Variants in ABCB1 observed in about 807,000 individuals in gnomAD.
The protein encoded by ABCB1 is ATP-dependent translocase ABCB1.
In ABCB1, 69 loss-of-function variants were observed where a neutral mutation model predicts 142.0. That is an observed-to-expected ratio of 0.49 (90% CI 0.40 to 0.59). The LOEUF is 0.59. ABCB1 is among the 20% of genes least tolerant of loss of function. The pLI, the probability that ABCB1 is intolerant of heterozygous loss-of-function variation, is 0.00. For missense variants in ABCB1, 1,326 were observed against 1,554.7 expected, an observed-to-expected ratio of 0.85 and a Z score of 2.47; for synonymous variants, 532 against 539.2, an observed-to-expected ratio of 0.99 and a Z score of 0.18.
At chr7:87,710,483 C>A (rs1019450105) in intron 1 of ABCB1, 3 of 725,056 alleles carry the variant, frequency 4.1e-6, no homozygotes, top group Admixed American at 2.8e-5. Flanking sequence ...AATGGCTGTT[C>A]TTTACATATT....
intron 1 of ABCB1, among the ~76,000 whole-genome samples, chr7:87,667,697 G>A (rs562554101): frequency 2.0e-5 from 3 of 152,064 alleles, no homozygotes; most frequent in South Asian, 4.2e-4. Flanking sequence ...AACATGAAGC[G>A]GTGTTGAATT....
intron 1 of ABCB1, among the ~76,000 whole-genome samples, chr7:87,674,908 C>T (rs868337321): frequency 6.6e-6 from 1 of 152,116 alleles, no homozygotes; most frequent in Admixed American, 6.5e-5. Context: ...CATGGTAAGC[C>T]TTGGGGGAGG....
chr7:87,576,810 G>T (rs1488982421), intron 4 of ABCB1, among the ~76,000 whole-genome samples: 1 of 151,408 alleles, frequency 6.6e-6, no homozygotes, highest in Non-Finnish European at 1.5e-5. Context: ...TATTTACAGG[G>T]TGTATGAGAT....
intron 21 of ABCB1, among the ~76,000 whole-genome samples, chr7:87,523,408 A>G (rs1406056855): frequency 6.6e-6 from 1 of 152,176 alleles, no homozygotes; most frequent in East Asian, 1.9e-4. Flanking sequence ...CAGGTGGATC[A>G]TTTGAAGTAA....
At chr7:87,548,833 G>C (rs1275611410) in intron 14 of ABCB1, among the ~76,000 whole-genome samples, 3 of 152,184 alleles carry the variant, frequency 2.0e-5, no homozygotes, top group African/African-American at 7.2e-5. Flanking sequence ...ACCTGTCATG[G>C]CTTAGGTAGG....
chr7:87,652,755 C>G (rs1823713143), intron 1 of ABCB1, among the ~76,000 whole-genome samples: 1 of 151,268 alleles, frequency 6.6e-6, no homozygotes, highest in African/African-American at 2.4e-5. Flanking sequence ...TAATATATAG[C>G]AAATTGCTTT....
chr7:87,617,667 G>A (rs28381779), intron 1 of ABCB1, among the ~76,000 whole-genome samples: 16,718 of 152,144 alleles, frequency 0.11, 1,182 homozygotes, highest in Admixed American at 0.22. Context: ...TCTTGCATTC[G>A]GAGTGCTGTG....
intron 1 of ABCB1, among the ~76,000 whole-genome samples, chr7:87,609,876 A>C (rs928572554): frequency 6.6e-6 from 1 of 152,204 alleles, no homozygotes; most frequent in Non-Finnish European, 1.5e-5. Flanking sequence ...ATGTGAAGGA[A>C]TTGCTATTAC....
At chr7:87,591,793 T>G (rs1184569595) in intron 3 of ABCB1, among the ~76,000 whole-genome samples, 5 of 152,042 alleles carry the variant, frequency 3.3e-5, no homozygotes, top group Admixed American at 1.3e-4. Flanking sequence ...CAAAGGAGTT[T>G]GCATGAGAAT....
intron 1 of ABCB1, among the ~76,000 whole-genome samples, chr7:87,677,369 A>G (rs1826482297): frequency 6.6e-6 from 1 of 151,830 alleles, no homozygotes; most frequent in Non-Finnish European, 1.5e-5. Context: ...TGCGATTTGC[A>G]GTAACAGATG....
intron 1 of ABCB1, among the ~76,000 whole-genome samples, chr7:87,611,366 C>G (rs190576029): frequency 4.6e-5 from 7 of 152,254 alleles, no homozygotes; most frequent in African/African-American, 1.7e-4. Flanking sequence ...AGCCCTTGCT[C>G]TCCTCCCTTC....
intron 21 of ABCB1, among the ~76,000 whole-genome samples, chr7:87,522,758 A>T (rs989145908): frequency 1.2e-4 from 17 of 136,550 alleles, no homozygotes; most frequent in East Asian, 1.0e-3. Flanking sequence ...CTTTTTTTTA[A>T]AAAAAAAGTA....
intron 1 of ABCB1, among the ~76,000 whole-genome samples, chr7:87,631,422 G>A (rs1288973044): frequency 5.3e-5 from 8 of 151,982 alleles, no homozygotes; most frequent in Non-Finnish European, 5.9e-5. Context: ...ACGGAGTCTC[G>A]CTCTGTCTCC....
At chr7:87,654,399 A>C (rs1044216717) in intron 1 of ABCB1, among the ~76,000 whole-genome samples, 1 of 152,134 alleles carries the variant, frequency 6.6e-6, no homozygotes, top group African/African-American at 2.4e-5. Context: ...AACTAATAGA[A>C]TAGAATAGAG....
intron 4 of ABCB1, among the ~76,000 whole-genome samples, chr7:87,579,812 G>T (rs1333824753): frequency 6.6e-6 from 1 of 151,804 alleles, no homozygotes; most frequent in Non-Finnish European, 1.5e-5. Flanking sequence ...TTATGTATCT[G>T]CTGTATGTTA....
At chr7:87,613,959 A>G (rs1819945955) in intron 1 of ABCB1, among the ~76,000 whole-genome samples, 1 of 152,206 alleles carries the variant, frequency 6.6e-6, no homozygotes, top group Non-Finnish European at 1.5e-5. Context: ...ATTCTTATTT[A>G]TTAATCTAGA....
intron 19 of ABCB1, among the ~76,000 whole-genome samples, chr7:87,538,975 A>T (rs1323292294): frequency 1.3e-5 from 2 of 152,338 alleles, no homozygotes; most frequent in South Asian, 4.1e-4. Flanking sequence ...GGGGTATCAA[A>T]GATGCCTTCT....
intron 21 of ABCB1, among the ~76,000 whole-genome samples, chr7:87,527,417 T>C (rs1450357875): frequency 6.6e-6 from 1 of 152,216 alleles, no homozygotes; most frequent in East Asian, 1.9e-4. Context: ...GTTTTTGTTT[T>C]GTTTTGTTTT....
At position 87,661,712 on chromosome 7, in the gene ABCB1, T is replaced by C. The variant is rs552915284; in HGVS notation, c.-331+51449A>G. 9.9e-5 allele frequency among the ~76,000 whole-genome samples: 15 copies of C among 152,224 alleles called. 1 individual carries two copies. In the South Asian group the frequency reaches 1.9e-3, roughly 19 times the overall value. On this transcript the variant is annotated intron_variant, in intron 1 of 28. Transcript: ENST00000265724. ...ATTGTGAATAGTGCTGCAATAAACA[T>C]TGGAGTGCAGCTATCTCTTCAGTAT...
Sources: allele counts gnomAD v4.1 joint callset (sites outside exome capture counted in the v4.1 genomes callset), GRCh38; gene constraint gnomAD v4.1.1; transcripts MANE v1.5; gene names NCBI Gene and HGNC (gene_info 2026-07-23, HGNC 2026-07-21).